Variants in TRAPPC12 observed in about 807,000 individuals in gnomAD.
TRAPPC12 encodes trafficking protein particle complex subunit 12.
TRAPPC12 carries 61 observed loss-of-function variants against 69.2 expected under a neutral mutation model. The ratio of observed to expected loss-of-function variants is 0.88; its 90% confidence interval spans 0.72 to 1.09. The LOEUF is 1.09. Ranked by LOEUF, TRAPPC12 falls within the 50% of genes least tolerant of loss-of-function variation. The pLI, the probability that TRAPPC12 is intolerant of heterozygous loss-of-function variation, is 0.00. For synonymous variants in TRAPPC12, 469 were observed against 438.9 expected, an observed-to-expected ratio of 1.07 and a Z score of -0.86; for missense variants, 1,101 against 1,016.4, an observed-to-expected ratio of 1.08 and a Z score of -1.13.
chr2:3,436,202 C>G (rs1663766868), intron 5 of TRAPPC12, among the ~76,000 whole-genome samples: 1 of 152,186 alleles, frequency 6.6e-6, no homozygotes. Context: ...TCAGCTACAG[C>G]TGGCCACTAT....
chr2:3,397,726 T>C (rs1405367392), intron 2 of TRAPPC12, among the ~76,000 whole-genome samples: 1 of 152,260 alleles, frequency 6.6e-6, no homozygotes, highest in Non-Finnish European at 1.5e-5. Flanking sequence ...ACTTATTATA[T>C]AGAGATAATG....
intron 3 of TRAPPC12, among the ~76,000 whole-genome samples, chr2:3,412,705 G>T (rs116568785): frequency 1.3e-5 from 2 of 152,122 alleles, no homozygotes; most frequent in Non-Finnish European, 2.9e-5. Context: ...CATCTAGAAC[G>T]GATTCATGTC....
chr2:3,420,395 A>G (rs1662711479), intron 3 of TRAPPC12, among the ~76,000 whole-genome samples: 1 of 152,146 alleles, frequency 6.6e-6, no homozygotes, highest in Non-Finnish European at 1.5e-5. Context: ...TGATGAAGAA[A>G]CAGTTTGGGA....
intron 3 of TRAPPC12, among the ~76,000 whole-genome samples, chr2:3,407,715 T>C (rs1661807514): frequency 6.6e-6 from 1 of 151,380 alleles, no homozygotes; most frequent in Non-Finnish European, 1.5e-5. Flanking sequence ...GGCAGGAGAA[T>C]GGTCTGGGAG....
Position 3,414,498 on chromosome 2 carries a change from T to TAGCTCC in TRAPPC12, c.1165-7371_1165-7366dup, listed in dbSNP as rs1200096967. On this transcript the variant is annotated intron_variant, in intron 3 of 11. Coordinates refer to ENST00000324266, the MANE Select transcript of TRAPPC12 (RefSeq NM_016030.6). The surrounding 1 kb of genome is among the most constrained non-coding windows in gnomAD (Gnocchi z 4.9). ...GTCTGCCACTCTGGGGTCCAGCCTC[T>TAGCTCC]AGCTCCAGCTCCAGCTCAGCCTCAC... Among the ~76,000 whole-genome samples, 3 of 151,990 alleles carry TAGCTCC rather than the reference T, an allele frequency of 2.0e-5. No individual in the cohort carries two copies. Among genetic ancestry groups the TAGCTCC allele is most frequent in the Non-Finnish European group, 4.4e-5 (3 of 68,000 alleles).
chr2:3,421,144 C>T (rs1186988308), intron 3 of TRAPPC12, among the ~76,000 whole-genome samples: 1 of 152,194 alleles, frequency 6.6e-6, no homozygotes, highest in African/African-American at 2.4e-5. Context: ...AGTGAGCATC[C>T]ACTTTTAGCT....
At chr2:3,472,189 G>A (rs1476206447) in intron 9 of TRAPPC12, among the ~76,000 whole-genome samples, 1 of 152,196 alleles carries the variant, frequency 6.6e-6, no homozygotes, top group Non-Finnish European at 1.5e-5. Context: ...CAGGAACCCA[G>A]GGCAGGGTGG....
chr2:3,404,872 TG>T (rs973064446), intron 3 of TRAPPC12, among the ~76,000 whole-genome samples: 2 of 67,002 alleles, frequency 3.0e-5, no homozygotes, highest in Admixed American at 3.5e-4. Context: ...AAGGATAGAG[TG>T]GGGGGCGGTT....
At chr2:3,390,893 T>G (rs2103439319) in intron 2 of TRAPPC12, among the ~76,000 whole-genome samples, 1 of 152,216 alleles carries the variant, frequency 6.6e-6, no homozygotes, top group South Asian at 2.1e-4. Context: ...AACCTAAAAG[T>G]CCTCTAAGTA....
At chr2:3,392,265 C>G (rs1207653957) in intron 2 of TRAPPC12, among the ~76,000 whole-genome samples, 1 of 149,752 alleles carries the variant, frequency 6.7e-6, no homozygotes, top group African/African-American at 2.5e-5. Flanking sequence ...TGTGTGTTCA[C>G]CAGCAAGCCT....
chr2:3,463,439 G>C (rs565675018), intron 8 of TRAPPC12, among the ~76,000 whole-genome samples: 1 of 151,444 alleles, frequency 6.6e-6, no homozygotes, highest in African/African-American at 2.4e-5. Flanking sequence ...GCCTGCCCCC[G>C]GCCTGGAATC....
At chr2:3,466,765 G>A (rs1665833766) in intron 9 of TRAPPC12, among the ~76,000 whole-genome samples, 1 of 152,176 alleles carries the variant, frequency 6.6e-6, no homozygotes, top group Non-Finnish European at 1.5e-5. Flanking sequence ...ATAACCCCAG[G>A]CAGGCACAGA....
intron 2 of TRAPPC12, among the ~76,000 whole-genome samples, chr2:3,394,830 A>G (rs905368917): frequency 1.5e-4 from 23 of 152,038 alleles, no homozygotes; most frequent in Admixed American, 7.9e-4. Flanking sequence ...CTAGTAAATT[A>G]TGTTATAAAT....
At chr2:3,405,339 A>G (rs1339163144) in intron 3 of TRAPPC12, among the ~76,000 whole-genome samples, 1 of 152,120 alleles carries the variant, frequency 6.6e-6, no homozygotes, top group East Asian at 1.9e-4. Context: ...TACCATCCCT[A>G]CTGCCCCATG....
chr2:3,402,193 T>A (rs558218958), intron 3 of TRAPPC12, among the ~76,000 whole-genome samples: 1 of 152,350 alleles, frequency 6.6e-6, no homozygotes, highest in African/African-American at 2.4e-5. Flanking sequence ...TTGTGTTCAT[T>A]TTTTAAATAT....
chr2:3,462,044 C>A (rs1382742874), intron 8 of TRAPPC12, among the ~76,000 whole-genome samples: 2 of 152,248 alleles, frequency 1.3e-5, no homozygotes, highest in Non-Finnish European at 2.9e-5. Flanking sequence ...CCGGAACATT[C>A]TTATGCAAAG....
At chr2:3,407,900 A>T (rs1661818222) in intron 3 of TRAPPC12, among the ~76,000 whole-genome samples, 1 of 152,184 alleles carries the variant, frequency 6.6e-6, no homozygotes, top group Admixed American at 6.5e-5. Context: ...TAAGAAAATA[A>T]GCAATTATAA....
chr2:3,440,901 C>CTG (rs1664165401), intron 5 of TRAPPC12, among the ~76,000 whole-genome samples: 1 of 152,170 alleles, frequency 6.6e-6, no homozygotes, highest in South Asian at 2.1e-4. Context: ...TGCTTTTCTA[C>CTG]ATCTATTGAT....
rs551229083 is a variant in TRAPPC12, at chr2:3,405,300, C to T, written c.1164+3407C>T. ...TCTACAAAGGTGTAGAGGTTGGCCC[C>T]AAACAAATGTCCTTGCTCCTGTTAC... On this transcript the variant is annotated intron_variant, in intron 3 of 11. Coordinates refer to ENST00000324266, the MANE Select transcript of TRAPPC12 (RefSeq NM_016030.6). Among the ~76,000 whole-genome samples the T allele has an allele frequency of 2.6e-3, 389 of 152,004 alleles. 6 individuals are homozygous for T. In the South Asian group the frequency reaches 0.039, roughly 15 times the overall value.
Sources: gnomAD v4.1 joint callset for allele counts (sites outside exome capture counted in the v4.1 genomes callset) on GRCh38, gnomAD v4.1.1 for gene constraint, Gnocchi (gnomAD v3.1) non-coding constraint, MANE v1.5 for transcripts, NCBI Gene and HGNC (gene_info 2026-07-23, HGNC 2026-07-21) for gene names.